MPHOSPH10: variants seen among roughly 807,000 people sequenced by gnomAD.
MPHOSPH10 encodes the protein M-phase phosphoprotein 10.
In MPHOSPH10, 33 loss-of-function variants were observed where a neutral mutation model predicts 77.3. The observed-to-expected ratio is 0.43, with a 90% CI of 0.32 to 0.57. The LOEUF is 0.57. Among genes scored for constraint, MPHOSPH10 ranks in the 20% least tolerant of loss-of-function variants. MPHOSPH10 has a pLI of 0.07. For missense variants in MPHOSPH10, 708 were observed against 780.1 expected (o/e 0.91, Z 1.10); for synonymous variants, 245 against 268.0 (o/e 0.91, Z 0.84).
intron 4 of MPHOSPH10, among the ~76,000 whole-genome samples, chr2:71,137,656 CAAAAAAAAAAAAA>C (rs60072810): frequency 4.3e-5 from 2 of 46,358 alleles, no homozygotes; most frequent in Admixed American, 4.2e-4. Flanking sequence ...GAGACTGTCT[CAAAAAAAAAAAAA>C]AAAAAAAAAG....
intron 7 of MPHOSPH10, among the ~76,000 whole-genome samples, chr2:71,142,439 T>C (rs1377678162): frequency 2.0e-5 from 3 of 152,224 alleles, no homozygotes; most frequent in Non-Finnish European, 4.4e-5. Flanking sequence ...AGATAGGTAA[T>C]GCAATAGCTT....
chr2:71,144,349 C>G, intron 7 of MPHOSPH10, 79 bp from the exon 8 acceptor site: 1 of 1,034,676 alleles, frequency 9.7e-7, no homozygotes, highest in Non-Finnish European at 1.4e-6. Flanking sequence ...GTTAGAAATA[C>G]TCTCATTGAC....
At chr2:71,134,895 A>C in intron 4 of MPHOSPH10, 98 bp downstream of exon 4, 1 of 979,852 alleles carries the variant, frequency 1.0e-6, no homozygotes, top group Non-Finnish European at 1.5e-6. Context: ...GGCCAGGTGC[A>C]GTGGCTCACG....
At chr2:71,139,883 A>G in intron 6 of MPHOSPH10, 21 bp downstream of exon 6, 1 of 1,512,590 alleles carries the variant, frequency 6.6e-7, no homozygotes, top group South Asian at 1.2e-5. Flanking sequence ...ATTAAATTTA[A>G]CTTAATCAAA....
At chr2:71,148,378 AC>A in intron 9 of MPHOSPH10, 1 of 291,764 alleles carries the variant, frequency 3.4e-6, no homozygotes, top group Non-Finnish European at 6.5e-6. Flanking sequence ...CAATCTGAAT[AC>A]TAGCAGTGAT....
At chr2:71,135,860 G>A (rs1225993417) in intron 4 of MPHOSPH10, among the ~76,000 whole-genome samples, 2 of 150,646 alleles carry the variant, frequency 1.3e-5, no homozygotes, top group Non-Finnish European at 2.9e-5. Context: ...CCGCCACCAC[G>A]CCCAACTAAT....
intron 1 of MPHOSPH10, among the ~76,000 whole-genome samples, chr2:71,132,575 A>G (rs77074490): frequency 0.016 from 2,486 of 152,360 alleles, 33 homozygotes; most frequent in Non-Finnish European, 0.025. Context: ...TGATCATTGA[A>G]TGAATAAGTG....
rs550147707 is a variant in MPHOSPH10 at position 71,131,585 on chromosome 2, G to A, written c.89+831G>A. Among the ~76,000 whole-genome samples the A allele has an allele frequency of 7.9e-5, 12 of 152,334 alleles. No individual in the cohort carries two copies. The South Asian group carries it at 2.1e-3, about 26-fold the overall frequency. On this transcript the variant is annotated intron_variant, in intron 1 of 10. Transcript: ENST00000244230. ...TGTTTATTCACTTGGGTGCAAGTGG[G>A]CTGAGTCCGAAAAGAGAGTCAACTA...
In MPHOSPH10 at chr2:71,134,669, C is replaced by T; in HGVS notation, c.970C>T (p.His324Tyr). The change falls in exon 4 of 11, where the codon CAT (histidine) becomes TAT (tyrosine). Residue 324 changes from histidine to tyrosine, a missense_variant. Around this residue, in one of 3 missense-constraint regions of MPHOSPH10, gnomAD observed 433 missense variants for 432.6 expected, o/e 1.00. Coordinates refer to ENST00000244230, the MANE Select transcript of MPHOSPH10 (RefSeq NM_005791.3). Reference protein sequence around the residue: ...DLQENEDNKQHKESLKRVTFA... With the variant: ...DLQENEDNKQYKESLKRVTFA... ...TCAAGAAAATGAAGACAATAAACAA[C>T]ATAAAGAAAGCTTGAAAAGAGTGAC... 1 of 1,611,082 alleles carries T rather than the reference C, an allele frequency of 6.2e-7. No homozygotes were observed. The highest frequency in any genetic ancestry group is 8.5e-7 in the Non-Finnish European group (1 of 1,178,990).
intron 6 of MPHOSPH10, among the ~76,000 whole-genome samples, chr2:71,140,189 T>C (rs1320862890): frequency 6.6e-6 from 1 of 152,192 alleles, no homozygotes; most frequent in African/African-American, 2.4e-5. Context: ...GTATCTGGTG[T>C]GGTAAATTAT....
In MPHOSPH10 at chr2:71,141,328, C is replaced by A; in HGVS notation, c.1405C>A (p.Leu469Ile). 1 of 1,564,638 alleles carries A rather than the reference C, an allele frequency of 6.4e-7. No individual in the cohort carries two copies. The highest frequency in any genetic ancestry group is 1.2e-5 in the South Asian group (1 of 82,016). ...AGACCATGAGAAGAGTAAATTGAGCCTTGCTGAAATTTATGAACAGGAGTA... is the reference window on the plus strand; with the variant it reads ...AGACCATGAGAAGAGTAAATTGAGCATTGCTGAAATTTATGAACAGGAGTA... The part of the protein sequence containing the change: ...TLDHEKSKLS[L>I]AEIYEQEYIK... The change falls in exon 7 of 11, where the codon CTT becomes ATT. Residue 469 changes from leucine (L) to isoleucine (I), a missense_variant. By Grantham distance (5) the Leu-to-Ile change is conservative. This residue lies in a region of MPHOSPH10 where 263 missense variants were observed against 320.0 expected (regional missense o/e 0.82). Coordinates refer to ENST00000244230, the MANE Select transcript of MPHOSPH10 (RefSeq NM_005791.3).
chr2:71,136,912 A>AC, intron 4 of MPHOSPH10, among the ~76,000 whole-genome samples: 1 of 79,730 alleles, frequency 1.3e-5, no homozygotes, highest in African/African-American at 5.2e-5. Context: ...GGTAGCATTA[A>AC]AACACACACA....
intron 4 of MPHOSPH10, among the ~76,000 whole-genome samples, chr2:71,136,255 C>A (rs1241060934): frequency 6.6e-6 from 1 of 152,122 alleles, no homozygotes; most frequent in Non-Finnish European, 1.5e-5. Flanking sequence ...GGCACAGTGG[C>A]TCACACCTGC....
chr2:71,148,896 G>A (rs1202275688), intron 9 of MPHOSPH10: 1 of 320,958 alleles, frequency 3.1e-6, no homozygotes, highest in African/African-American at 2.2e-5. Context: ...TGTCCCTGAA[G>A]CCCATTGGAA....
At chr2:71,131,691 G>C (rs532812007) in intron 1 of MPHOSPH10, among the ~76,000 whole-genome samples, 3 of 152,340 alleles carry the variant, frequency 2.0e-5, no homozygotes, top group African/African-American at 7.2e-5. Flanking sequence ...TCTATTAGCA[G>C]AGGAGGACGG....
At chr2:71,142,745 T>TA (rs1349913061) in intron 7 of MPHOSPH10, among the ~76,000 whole-genome samples, 1 of 152,208 alleles carries the variant, frequency 6.6e-6, no homozygotes, top group Non-Finnish European at 1.5e-5. Flanking sequence ...TAGTAAGCAG[T>TA]AGTAGCGTGA....
At chr2:71,134,452 G>A (rs1046334954) in intron 3 of MPHOSPH10, among the ~76,000 whole-genome samples, 174 bp from the exon 4 acceptor site, 9 of 151,934 alleles carry the variant, frequency 5.9e-5, no homozygotes, top group Non-Finnish European at 1.0e-4. Context: ...CTTACATAGC[G>A]TTTTACCTAA....
chr2:71,133,364 G>A lies in MPHOSPH10; in HGVS notation c.556G>A (p.Val186Met), dbSNP rs752013233. 39 of 1,613,994 alleles carry A rather than the reference G, an allele frequency of 2.4e-5. No homozygotes were observed. In the Middle Eastern group the frequency reaches 6.6e-4, roughly 27 times the overall value. ...CAGCAAATTGGAACAGCAGAGCAAG[G>A]TGCAAAACAAAGGACAGGGAAAACC... ...DISKLEQQSK[V>M]QNKGQGKPRE... is the part of the protein sequence containing the mutation. The change falls in exon 2 of 11, where the codon GTG (valine) becomes ATG (methionine). Residue 186 changes from valine (V) to methionine (M), a missense_variant. This residue lies in a region of MPHOSPH10 where 433 missense variants were observed against 432.6 expected (regional missense o/e 1.00). Coordinates refer to ENST00000244230, the MANE Select transcript of MPHOSPH10 (RefSeq NM_005791.3).
chr2:71,134,300 G>A (rs925000527), intron 3 of MPHOSPH10, among the ~76,000 whole-genome samples, 195 bp downstream of exon 3: 1 of 152,202 alleles, frequency 6.6e-6, no homozygotes, highest in South Asian at 2.1e-4. Context: ...ATCTCTGGTA[G>A]TAGCAATCAA....
Sources: gnomAD v4.1 joint callset for allele counts (sites outside exome capture counted in the v4.1 genomes callset) on GRCh38, gnomAD v4.1.1 for gene constraint, gnomAD v4.1.1 regional missense constraint, MANE v1.5 for transcripts, NCBI Gene and HGNC (gene_info 2026-07-23, HGNC 2026-07-21) for gene names.